FHIT: variants seen among roughly 807,000 people sequenced by gnomAD.
The protein encoded by FHIT is fragile histidine triad diadenosine triphosphatase.
A neutral mutation model predicts 17.9 loss-of-function variants in FHIT; 19 were observed. The ratio of observed to expected loss-of-function variants is 1.06; its 90% CI spans 0.74 to 1.56. The LOEUF (loss-of-function observed/expected upper bound fraction) is 1.56, where lower values mean the gene tolerates loss of function less well. Ranked by LOEUF, FHIT falls within the 40% of genes most tolerant of loss-of-function variation. The probability of loss-of-function intolerance (pLI) is 0.00; values close to 1 mark genes in which losing one functional copy is unlikely to be tolerated. For synonymous variants in FHIT, 81 were observed against 69.7 expected (o/e 1.16, Z -0.81); for missense variants, 248 against 189.2 (o/e 1.31, Z -1.82).
At chr3:61,043,825 T>G (rs996496705) in intron 2 of FHIT, among the ~76,000 whole-genome samples, 1 of 152,156 alleles carries the variant, frequency 6.6e-6, no homozygotes, top group Admixed American at 6.6e-5. Flanking sequence ...TCTGCAATAT[T>G]TGCTGTTCTG....
chr3:60,097,874 CCCA>C (rs1326302778), intron 5 of FHIT, among the ~76,000 whole-genome samples: 3 of 124,882 alleles, frequency 2.4e-5, no homozygotes, highest in Non-Finnish European at 5.0e-5. Context: ...CGCCCCCCAC[CCCA>C]CAACAGGCCC....
intron 4 of FHIT, among the ~76,000 whole-genome samples, chr3:60,650,204 G>C (rs1454106303): frequency 6.6e-6 from 1 of 152,148 alleles, no homozygotes; most frequent in South Asian, 2.1e-4. Flanking sequence ...CATGTTCTCT[G>C]CTTAAAGCAC....
At chr3:60,834,757 C>A (rs1702469855) in intron 3 of FHIT, among the ~76,000 whole-genome samples, 1 of 151,808 alleles carries the variant, frequency 6.6e-6, no homozygotes, top group African/African-American at 2.4e-5. Flanking sequence ...CCCAGCTATT[C>A]CAGAGCCTCA....
chr3:60,223,368 C>G lies in FHIT; in HGVS notation c.104-209216G>C, dbSNP rs1044189160. Among the ~76,000 whole-genome samples, 17 of 152,294 alleles carry G rather than the reference C, an allele frequency of 1.1e-4. No homozygotes were observed. The East Asian group carries it at 3.3e-3, about 29-fold the overall frequency. On this transcript the variant is annotated intron_variant, in intron 5 of 9. Coordinates refer to ENST00000492590, the MANE Select transcript of FHIT (RefSeq NM_002012.4). ...AAGTCGTGTTCAAATTCAGGTCCAT[C>G]TGGGCACCAGATCCATTCTTGGAAC...
intron 4 of FHIT, among the ~76,000 whole-genome samples, chr3:60,713,949 C>G (rs1267284613): frequency 1.3e-5 from 2 of 151,752 alleles, no homozygotes; most frequent in East Asian, 3.9e-4. Flanking sequence ...CAGCATCATC[C>G]TGATACCAAA....
chr3:60,838,927 TAGTA>T (rs1702624533), intron 3 of FHIT, among the ~76,000 whole-genome samples: 1 of 151,668 alleles, frequency 6.6e-6, no homozygotes, highest in Non-Finnish European at 1.5e-5. Context: ...GAAAGTTAGG[TAGTA>T]AAAGGACTTC....
chr3:59,813,157 T>G (rs185005948), intron 8 of FHIT, among the ~76,000 whole-genome samples: 100 of 152,350 alleles, frequency 6.6e-4, no homozygotes, highest in Non-Finnish European at 9.6e-4. Flanking sequence ...ATTATTTCAT[T>G]AATGAAATGT....
At chr3:59,936,988 G>C (rs1202645826) in intron 7 of FHIT, among the ~76,000 whole-genome samples, 2 of 152,160 alleles carry the variant, frequency 1.3e-5, no homozygotes, top group South Asian at 2.1e-4. Context: ...CTGTGGTATG[G>C]ACATTCCTGG....
chr3:60,602,354 G>A (rs772570949), intron 4 of FHIT, among the ~76,000 whole-genome samples: 1 of 152,046 alleles, frequency 6.6e-6, no homozygotes, highest in Admixed American at 6.6e-5. Context: ...AGCCAATCTC[G>A]GAAAACCATG....
chr3:60,265,012 G>A (rs1706498540), intron 5 of FHIT, among the ~76,000 whole-genome samples: 2 of 151,538 alleles, frequency 1.3e-5, no homozygotes, highest in Admixed American at 1.3e-4. Context: ...ATTTTCACCG[G>A]CTTGGGGGTG....
At chr3:60,306,893 T>C (rs1708696471) in intron 5 of FHIT, among the ~76,000 whole-genome samples, 1 of 152,140 alleles carries the variant, frequency 6.6e-6, no homozygotes, top group Non-Finnish European at 1.5e-5. Context: ...CATGGAGGAT[T>C]GATCGTGAGA....
chr3:61,005,216 C>T (rs1183104946), intron 3 of FHIT, among the ~76,000 whole-genome samples: 1 of 152,178 alleles, frequency 6.6e-6, no homozygotes. Context: ...CTGTCAAATT[C>T]CTAAGCTAAT....
intron 5 of FHIT, among the ~76,000 whole-genome samples, chr3:60,375,479 G>A (rs1187737735): frequency 2.6e-5 from 4 of 151,968 alleles, no homozygotes; most frequent in Admixed American, 2.6e-4. Context: ...GGAGGCTGAG[G>A]CACAAGAATC....
intron 5 of FHIT, among the ~76,000 whole-genome samples, chr3:60,098,535 T>C (rs1704061123): frequency 6.6e-6 from 1 of 152,218 alleles, no homozygotes. Context: ...TGTCTGTTCA[T>C]ATCCTTTGCC....
chr3:61,188,417 C>T (rs544333233), intron 2 of FHIT, among the ~76,000 whole-genome samples: 1 of 152,182 alleles, frequency 6.6e-6, no homozygotes, highest in African/African-American at 2.4e-5. Context: ...CAAAAACAGG[C>T]TCTGAAATTG....
chr3:60,878,627 C>G (rs1553757108), intron 3 of FHIT, among the ~76,000 whole-genome samples: 1 of 152,062 alleles, frequency 6.6e-6, no homozygotes, highest in Middle Eastern at 3.2e-3. Flanking sequence ...TCTCCTAATG[C>G]TATCCCTCCC....
At chr3:60,011,097 G>C (rs1706167676) in intron 7 of FHIT, among the ~76,000 whole-genome samples, 1 of 152,170 alleles carries the variant, frequency 6.6e-6, no homozygotes, top group African/African-American at 2.4e-5. Flanking sequence ...GAACCACTTT[G>C]ACTTATGTTT....
intron 5 of FHIT, among the ~76,000 whole-genome samples, chr3:60,159,429 T>C (rs1233716477): frequency 6.6e-6 from 1 of 152,136 alleles, no homozygotes; most frequent in South Asian, 2.1e-4. Context: ...CCGATGTGTG[T>C]TTTTTATATA....
chr3:60,661,832 T>C (rs2040254637), intron 4 of FHIT, among the ~76,000 whole-genome samples: 1 of 152,206 alleles, frequency 6.6e-6, no homozygotes, highest in African/African-American at 2.4e-5. Context: ...CATATGTTTG[T>C]TGGTTATTTG....
Sources: allele counts gnomAD v4.1 joint callset (sites outside exome capture counted in the v4.1 genomes callset), GRCh38; gene constraint gnomAD v4.1.1; transcripts MANE v1.5; gene names NCBI Gene and HGNC (gene_info 2026-07-23, HGNC 2026-07-21).